MS4A18: variants seen among roughly 807,000 people sequenced by gnomAD.
MS4A18 encodes membrane-spanning 4-domains subfamily A member 18.
In MS4A18, 27 loss-of-function variants were observed where a neutral mutation model predicts 13.1. That is an observed-to-expected ratio of 2.06 (90% CI 1.52 to 2.84). MS4A18 has a LOEUF of 2.84. Among genes scored for constraint, MS4A18 ranks in the 30% most tolerant of loss-of-function variants. The pLI is 0.00. For synonymous variants in MS4A18, 126 were observed against 76.5 expected (o/e 1.65, Z -3.38); for missense variants, 307 against 196.4 (o/e 1.56, Z -3.37).
intron 3 of MS4A18, among the ~76,000 whole-genome samples, chr11:60,738,415 C>G (rs1201620485): frequency 6.6e-6 from 1 of 152,200 alleles, no homozygotes; most frequent in Non-Finnish European, 1.5e-5. Context: ...TCTCTGCTCA[C>G]TTCTTCTGCA....
chr11:60,740,956 C>T, intron 4 of MS4A18, 74 bp from the exon 6 acceptor site: 1 of 699,614 alleles, frequency 1.4e-6, no homozygotes, highest in Non-Finnish European at 2.6e-6. Context: ...AGGTGTGTGG[C>T]ACTCCAAATG....
chr11:60,728,835 C>A (rs998015307), upstream of MS4A18, among the ~76,000 whole-genome samples: 4 of 152,110 alleles, frequency 2.6e-5, no homozygotes, highest in African/African-American at 9.7e-5. Flanking sequence ...ATACATGTGA[C>A]CCCTCCAACT....
upstream of MS4A18, among the ~76,000 whole-genome samples, chr11:60,727,053 T>C (rs1260319207): frequency 6.6e-6 from 1 of 152,120 alleles, no homozygotes; most frequent in Admixed American, 6.6e-5. Context: ...AGAATGATGG[T>C]TTCCAGCTTC....
chr11:60,743,568 A>T, intron 5 of MS4A18, 82 bp from the exon 7 acceptor site: 1 of 659,322 alleles, frequency 1.5e-6, no homozygotes, highest in South Asian at 1.7e-5. Flanking sequence ...AGGGTATGGA[A>T]ACAGAAGGAA....
chr11:60,738,282 T>C (rs897354991), intron 3 of MS4A18, among the ~76,000 whole-genome samples: 3 of 152,192 alleles, frequency 2.0e-5, no homozygotes, highest in Admixed American at 6.5e-5. Context: ...CCCCTCAAAG[T>C]TGAATATGAG....
chr11:60,736,901 G>A (rs965486312), intron 2 of MS4A18, 77 bp from the exon 4 acceptor site: 7 of 677,162 alleles, frequency 1.0e-5, no homozygotes, highest in African/African-American at 3.6e-5. Context: ...TGAGAAATGC[G>A]TCTCTGAGTG....
At chr11:60,730,130 A>G (rs892734707) in intron 1 of MS4A18, among the ~76,000 whole-genome samples, 1 of 152,232 alleles carries the variant, frequency 6.6e-6, no homozygotes, top group African/African-American at 2.4e-5. Flanking sequence ...CAGGCCAGCT[A>G]GATTTGCTGA....
At chr11:60,727,841 A>T (rs1853188132), upstream of MS4A18, among the ~76,000 whole-genome samples, 1 of 152,114 alleles carries the variant, frequency 6.6e-6, no homozygotes, top group South Asian at 2.1e-4. Flanking sequence ...ACCTCCTCCC[A>T]TTGCACACTT....
At chr11:60,726,938 C>T (rs1275871999), upstream of MS4A18, among the ~76,000 whole-genome samples, 2 of 151,870 alleles carry the variant, frequency 1.3e-5, no homozygotes, top group Admixed American at 6.6e-5. Flanking sequence ...GCCCCCCAAC[C>T]CTCCGACAGG....
chr11:60,731,675 A>G (rs1853255527), intron 1 of MS4A18, among the ~76,000 whole-genome samples: 1 of 152,238 alleles, frequency 6.6e-6, no homozygotes, highest in South Asian at 2.1e-4. Context: ...AAAAATGTCA[A>G]ATCCTAGAAA....
chr11:60,732,327 C>T (rs1853266198), intron 1 of MS4A18, among the ~76,000 whole-genome samples: 1 of 151,998 alleles, frequency 6.6e-6, no homozygotes, highest in African/African-American at 2.4e-5. Flanking sequence ...CAGAGGATCT[C>T]CCCTTGTGTA....
At chr11:60,726,556 A>C (rs112441083), upstream of MS4A18, among the ~76,000 whole-genome samples, 328 of 152,208 alleles carry the variant, frequency 2.2e-3, no homozygotes, top group African/African-American at 7.4e-3. Flanking sequence ...GAGGGGACCA[A>C]GAATTTGACT....
chr11:60,741,113 G>A (rs950474015), exon 5 of MS4A18: 6 of 702,896 alleles, frequency 8.5e-6, no homozygotes, highest in South Asian at 5.9e-5. Context: ...CACATTTTGG[G>A]TGCCAGGCTA....
chr11:60,735,256 G>T (rs1303827138), intron 2 of MS4A18, among the ~76,000 whole-genome samples: 2 of 152,102 alleles, frequency 1.3e-5, no homozygotes, highest in South Asian at 2.1e-4. Flanking sequence ...CATCACACGT[G>T]GTTTTTAAAT....
chr11:60,729,508 G>A (rs1853218244), exon 1 of MS4A18: 1 of 702,804 alleles, frequency 1.4e-6, no homozygotes, highest in Middle Eastern at 2.3e-4. Flanking sequence ...TCTACTCGTG[G>A]TGAACCAGAA....
At chr11:60,738,252 T>C (rs1290385401) in intron 3 of MS4A18, among the ~76,000 whole-genome samples, 1 of 152,182 alleles carries the variant, frequency 6.6e-6, no homozygotes, top group African/African-American at 2.4e-5. Flanking sequence ...GACTTCAGCC[T>C]CTCAGCACTG....
intron 1 of MS4A18, among the ~76,000 whole-genome samples, chr11:60,732,967 C>T (rs1853278833): frequency 1.3e-5 from 2 of 152,158 alleles, no homozygotes; most frequent in South Asian, 4.1e-4. Flanking sequence ...GAACTAACAT[C>T]GAATGGTCTG....
chr11:60,743,548 G>A, intron 5 of MS4A18, 102 bp from the exon 7 acceptor site: 1 of 637,348 alleles, frequency 1.6e-6, no homozygotes, highest in South Asian at 1.8e-5. Context: ...AGGGAGAGAG[G>A]GTCTACCTAA....
chr11:60,728,702 C>G (rs1853204364), upstream of MS4A18, among the ~76,000 whole-genome samples: 4 of 151,782 alleles, frequency 2.6e-5, no homozygotes, highest in East Asian at 7.8e-4. Flanking sequence ...CTCTCCTTCC[C>G]CCTTTTCCTT....
Sources: gnomAD v4.1 joint callset for allele counts (sites outside exome capture counted in the v4.1 genomes callset) on GRCh38, gnomAD v4.1.1 for gene constraint, MANE v1.5 for transcripts, NCBI Gene and HGNC (gene_info 2026-07-23, HGNC 2026-07-21) for gene names.